PDE8B: variants seen among roughly 807,000 people sequenced by gnomAD.
The protein encoded by PDE8B is high affinity cAMP-specific and IBMX-insensitive 3',5'-cyclic phosphodiesterase 8B.
In PDE8B, 26 loss-of-function variants were observed where a neutral mutation model predicts 101.3. The ratio of observed to expected loss-of-function variants is 0.26; its 90% CI spans 0.19 to 0.36. The LOEUF is 0.36. Among genes scored for constraint, PDE8B ranks in the 10% least tolerant of loss-of-function variants. The pLI is 1.00. For synonymous variants in PDE8B, 424 were observed against 429.3 expected (o/e 0.99, Z 0.15); for missense variants, 810 against 1,163.1 (o/e 0.70, Z 4.42).
At chr5:77,201,643 G>A in the PDE8B span, among the ~76,000 whole-genome samples, 1 of 152,118 alleles carries the variant, frequency 6.6e-6, no homozygotes, top group African/African-American at 2.4e-5. Flanking sequence ...ATCTAACCTG[G>A]AAATTTTGCC....
At chr5:77,330,778 C>T (rs1020202026) in intron 4 of PDE8B, among the ~76,000 whole-genome samples, 6 of 152,224 alleles carry the variant, frequency 3.9e-5, no homozygotes, top group Non-Finnish European at 7.3e-5. Flanking sequence ...GGCATGTCTT[C>T]ATGACAAGCC....
At chr5:77,357,384 T>C (rs944836700) in intron 10 of PDE8B, among the ~76,000 whole-genome samples, 1 of 152,148 alleles carries the variant, frequency 6.6e-6, no homozygotes, top group Non-Finnish European at 1.5e-5. Flanking sequence ...TTCCCAACCA[T>C]GGGTTAAAGG....
intron 1 of PDE8B, among the ~76,000 whole-genome samples, chr5:77,250,339 C>T (rs1757821636): frequency 6.6e-6 from 1 of 152,190 alleles, no homozygotes; most frequent in Non-Finnish European, 1.5e-5. Flanking sequence ...CTTGCCGTCG[C>T]TGCTAATGGA....
At chr5:77,392,049 T>G (rs942240590) in intron 10 of PDE8B, among the ~76,000 whole-genome samples, 1 of 152,196 alleles carries the variant, frequency 6.6e-6, no homozygotes, top group Non-Finnish European at 1.5e-5. Context: ...CCCATAATTA[T>G]GGGATAAATG....
chr5:77,331,459 G>T lies in PDE8B; in HGVS notation c.708G>T (p.Arg236Ser). The change falls in exon 5 of 22, where the codon AGG (arginine) becomes AGT (serine). Residue 236 changes from arginine (R) to serine (S), a missense_variant and splice_region_variant. Coordinates refer to ENST00000264917, the MANE Select transcript of PDE8B (RefSeq NM_003719.5). ...CTCTTCTCCACGCAGGCTTCAACAG[G>T]GTATGTACAAGATATCCAGCATCTC... ...VLPLLHAGFNRRFMENSSIIA... is the reference protein window; with the variant it reads ...VLPLLHAGFNSRFMENSSIIA... The T allele has an allele frequency of 6.2e-7, 1 of 1,611,086 alleles. No individual in the cohort carries two copies. The highest frequency in any genetic ancestry group is 8.5e-7 in the Non-Finnish European group (1 of 1,177,480).
At chr5:77,251,049 G>A (rs1757960064) in intron 1 of PDE8B, among the ~76,000 whole-genome samples, 1 of 152,192 alleles carries the variant, frequency 6.6e-6, no homozygotes, top group East Asian at 1.9e-4. Flanking sequence ...ATAGTAGCTA[G>A]GAGCATAGAC....
intron 1 of PDE8B, among the ~76,000 whole-genome samples, chr5:77,272,363 A>G (rs1387798110): frequency 6.6e-6 from 1 of 152,224 alleles, no homozygotes; most frequent in Non-Finnish European, 1.5e-5. Context: ...ATTCTTAGCT[A>G]TCCATTCTCT....
At chr5:77,422,875 C>T (rs1429618986) in intron 20 of PDE8B, among the ~76,000 whole-genome samples, 1 of 152,114 alleles carries the variant, frequency 6.6e-6, no homozygotes, top group Non-Finnish European at 1.5e-5. Flanking sequence ...CAGAGGAGCC[C>T]AGTATGTTTA....
chr5:77,337,304 G>T lies in PDE8B; in HGVS notation c.786G>T (p.Gln262His). Reference protein sequence around the residue: ...IQIEHGEVRSQFKLRACNSVF... With the variant: ...IQIEHGEVRSHFKLRACNSVF... Reference sequence around the variant, plus strand: ...TAGAACATGGGGAAGTTCGCTCCCAGTTCAAATTACGGTATGTAGCAAAAT... The same window carrying T: ...TAGAACATGGGGAAGTTCGCTCCCATTTCAAATTACGGTATGTAGCAAAAT... The change falls in exon 6 of 22, where the codon CAG (glutamine) becomes CAT (histidine). Residue 262 changes from glutamine to histidine, a missense_variant. Around this residue, in one of 4 missense-constraint regions of PDE8B, gnomAD observed 251 missense variants for 378.8 expected, o/e 0.66. Transcript: ENST00000264917. 1 of 1,558,178 alleles carries T rather than the reference G, an allele frequency of 6.4e-7. No homozygotes were observed. Among genetic ancestry groups the T allele is most frequent in the Non-Finnish European group, 8.8e-7 (1 of 1,131,460 alleles).
chr5:77,383,112 T>C (rs1449258980), intron 10 of PDE8B, among the ~76,000 whole-genome samples: 1 of 152,234 alleles, frequency 6.6e-6, no homozygotes, highest in East Asian at 1.9e-4. Context: ...GTTTCCTGAC[T>C]TTTTGATGAT....
At chr5:77,315,163 T>C (rs1773535804) in intron 2 of PDE8B, among the ~76,000 whole-genome samples, 1 of 152,352 alleles carries the variant, frequency 6.6e-6, no homozygotes, top group Non-Finnish European at 1.5e-5. Context: ...CAATAATTTT[T>C]CATTTTGAAG....
At position 77,383,049 on chromosome 5, in the gene PDE8B, C is replaced by T. The variant is rs550281513; in HGVS notation, c.1168-17199C>T. On this transcript the variant is annotated intron_variant, in intron 10 of 21. Coordinates refer to ENST00000264917, the MANE Select transcript of PDE8B (RefSeq NM_003719.5). Reference sequence around the variant, plus strand: ...CAATGGTTGAACTAGTTTACAGTCCCACCAACAGTGTAAAAGTGTTCCTAT... The same window carrying T: ...CAATGGTTGAACTAGTTTACAGTCCTACCAACAGTGTAAAAGTGTTCCTAT... 2.4e-3 allele frequency among the ~76,000 whole-genome samples: 367 copies of T among 152,292 alleles called. 1 individual carries two copies. Among genetic ancestry groups the T allele is most frequent in the African/African-American group, 8.2e-3 (340 of 41,564 alleles).
chr5:77,193,115 T>C, the PDE8B span, among the ~76,000 whole-genome samples: 1 of 152,244 alleles, frequency 6.6e-6, no homozygotes, highest in Admixed American at 6.5e-5. Context: ...TCCCAGTCTG[T>C]GGCTTGCCTT....
intron 10 of PDE8B, among the ~76,000 whole-genome samples, chr5:77,388,647 T>TA (rs1325770464): frequency 1.4e-4 from 22 of 152,188 alleles, no homozygotes; most frequent in Non-Finnish European, 1.5e-5. Flanking sequence ...CCGGGATGTT[T>TA]AAGTCTGCTG....
chr5:77,251,933 T>C (rs1480236084), intron 1 of PDE8B, among the ~76,000 whole-genome samples: 2 of 152,276 alleles, frequency 1.3e-5, no homozygotes, highest in Non-Finnish European at 2.9e-5. Flanking sequence ...TTAATGCCTT[T>C]GAGTGCTATA....
chr5:77,142,111 C>T, the PDE8B span: 1 of 152,090 alleles, frequency 6.6e-6, no homozygotes, highest in Admixed American at 6.6e-5. Context: ...TACCAGTGGA[C>T]TGATTTGGAT....
chr5:77,295,382 G>A (rs552693604), intron 1 of PDE8B, among the ~76,000 whole-genome samples: 1 of 152,274 alleles, frequency 6.6e-6, no homozygotes, highest in East Asian at 1.9e-4. Flanking sequence ...AGACTTTGGG[G>A]TACGTTAGCT....
intron 1 of PDE8B, among the ~76,000 whole-genome samples, chr5:77,275,458 A>G (rs1217822639): frequency 1.3e-5 from 2 of 152,172 alleles, no homozygotes; most frequent in Non-Finnish European, 2.9e-5. Flanking sequence ...TTTGTCTTTT[A>G]AGAGAACAGT....
intron 10 of PDE8B, among the ~76,000 whole-genome samples, chr5:77,390,051 A>C (rs943287236): frequency 2.6e-5 from 4 of 152,130 alleles, no homozygotes; most frequent in African/African-American, 9.7e-5. Context: ...ACTCCCTCCA[A>C]CTATGTATGA....
Sources: gnomAD v4.1 joint callset for allele counts (sites outside exome capture counted in the v4.1 genomes callset) on GRCh38, gnomAD v4.1.1 for gene constraint, gnomAD v4.1.1 regional missense constraint, MANE v1.5 for transcripts, NCBI Gene and HGNC (gene_info 2026-07-23, HGNC 2026-07-21) for gene names.